Variants in SYCP1 observed in about 807,000 individuals in gnomAD.
SYCP1 encodes cancer/testis antigen 8.
In SYCP1, 64 loss-of-function variants were observed where a neutral mutation model predicts 153.1. That is an observed-to-expected ratio of 0.42 (90% CI 0.34 to 0.51). The LOEUF is 0.51. SYCP1 is among the 20% of genes least tolerant of loss of function. The pLI, the probability that SYCP1 is intolerant of heterozygous loss-of-function variation, is 0.06. For synonymous variants in SYCP1, 384 were observed against 341.8 expected, an observed-to-expected ratio of 1.12 and a Z score of -1.36; for missense variants, 997 against 1,049.0, an observed-to-expected ratio of 0.95 and a Z score of 0.68.
intron 20 of SYCP1, among the ~76,000 whole-genome samples, chr1:114,918,643 T>C (rs1240049616): frequency 6.6e-6 from 1 of 152,088 alleles, no homozygotes; most frequent in Non-Finnish European, 1.5e-5. Flanking sequence ...CTTTCCTTTT[T>C]TTGTGTGTCC....
intron 16 of SYCP1, among the ~76,000 whole-genome samples, chr1:114,908,718 T>C (rs952488015): frequency 2.6e-5 from 4 of 152,176 alleles, no homozygotes; most frequent in African/African-American, 9.6e-5. Context: ...CCTTAGATTT[T>C]CTATCTTTTT....
intron 30 of SYCP1, among the ~76,000 whole-genome samples, chr1:114,991,209 T>G (rs1002616135): frequency 2.6e-5 from 4 of 151,890 alleles, no homozygotes; most frequent in Non-Finnish European, 4.4e-5. Context: ...GAATAAAAAT[T>G]TGACATATAT....
intron 27 of SYCP1, among the ~76,000 whole-genome samples, chr1:114,951,993 A>C (rs1238706833): frequency 6.6e-6 from 1 of 151,586 alleles, no homozygotes. Context: ...AAATGTAAAT[A>C]CTTTTTTTTA....
intron 27 of SYCP1, among the ~76,000 whole-genome samples, chr1:114,975,945 T>TA (rs1310119085): frequency 1.3e-5 from 2 of 151,710 alleles, no homozygotes; most frequent in African/African-American, 2.4e-5. Context: ...TCTTAGAATC[T>TA]AAAAAAATGA....
At chr1:114,884,381 T>A (rs1337581295) in intron 12 of SYCP1, among the ~76,000 whole-genome samples, 1 of 152,224 alleles carries the variant, frequency 6.6e-6, no homozygotes, top group East Asian at 1.9e-4. Flanking sequence ...CTAATTTAAT[T>A]CTTACTGTCT....
chr1:114,958,607 T>C (rs1671579625), intron 27 of SYCP1, among the ~76,000 whole-genome samples: 1 of 151,932 alleles, frequency 6.6e-6, no homozygotes. Context: ...ATTTATCTTT[T>C]TATTATTCAG....
At chr1:114,977,923 TTCTC>T (rs1316220839) in intron 28 of SYCP1, among the ~76,000 whole-genome samples, 1 of 151,506 alleles carries the variant, frequency 6.6e-6, no homozygotes, top group African/African-American at 2.4e-5. Flanking sequence ...ACCTCTGTGT[TTCTC>T]TCTTAAGAAT....
intron 30 of SYCP1, among the ~76,000 whole-genome samples, chr1:114,992,746 C>G (rs1674010555): frequency 6.6e-6 from 1 of 151,138 alleles, no homozygotes. Context: ...ATGGATGACA[C>G]CAAAAGCACA....
chr1:114,914,388 A>G (rs1450278136), intron 20 of SYCP1, among the ~76,000 whole-genome samples: 1 of 151,892 alleles, frequency 6.6e-6, no homozygotes, highest in Admixed American at 6.6e-5. Context: ...ATACTAGAGT[A>G]TTTATACCCA....
In SYCP1 at chr1:114,994,764, C is replaced by A. The variant is rs1674164755; in HGVS notation, c.2770C>A (p.Leu924Ile). The A allele has an allele frequency of 6.3e-7, 1 of 1,593,014 alleles. No individual in the cohort carries two copies. The highest frequency in any genetic ancestry group is 1.4e-5 in the African/African-American group (1 of 73,424). Residue 924 changes from leucine (L) to isoleucine (I), a missense_variant, in exon 31 of 32, where the codon CTT becomes ATT. Physicochemically the swap from Leu to Ile is conservative, Grantham distance 5. Around this residue, in one of 2 missense-constraint regions of SYCP1, gnomAD observed 712 missense variants for 682.9 expected, o/e 1.04. Coordinates refer to ENST00000369522, the MANE Select transcript of SYCP1 (RefSeq NM_003176.4). Reference sequence around the variant, plus strand: ...GAACAATAATCCACCAGCTTCTCATCTTTGTGTCAAAACACCAAAAAAGGT... The same window carrying A: ...GAACAATAATCCACCAGCTTCTCATATTTGTGTCAAAACACCAAAAAAGGT... ...YRNNNPPASH[L>I]CVKTPKKAPS...
intron 28 of SYCP1, among the ~76,000 whole-genome samples, chr1:114,979,573 T>C (rs969095405): frequency 1.3e-5 from 2 of 151,764 alleles, no homozygotes; most frequent in Non-Finnish European, 3.0e-5. Flanking sequence ...ATTTTGGCGG[T>C]TCCAAAGTTT....
chr1:114,935,373 A>G (rs1669927791), intron 23 of SYCP1, among the ~76,000 whole-genome samples: 2 of 152,238 alleles, frequency 1.3e-5, no homozygotes, highest in South Asian at 4.1e-4. Context: ...AGAAAGACAC[A>G]ACATACCAGA....
intron 12 of SYCP1, among the ~76,000 whole-genome samples, chr1:114,881,051 G>GTATATATATATA (rs150631241): frequency 8.2e-4 from 32 of 38,900 alleles, no homozygotes; most frequent in African/African-American, 2.2e-3. Context: ...TCCAATTTGT[G>GTATATATATATA]TATATACACA....
chr1:114,897,643 G>C (rs1258444126), intron 16 of SYCP1, among the ~76,000 whole-genome samples: 1 of 152,136 alleles, frequency 6.6e-6, no homozygotes, highest in Non-Finnish European at 1.5e-5. Flanking sequence ...TATCAGCGAA[G>C]AGAGGAGATA....
intron 8 of SYCP1, among the ~76,000 whole-genome samples, chr1:114,862,705 C>T (rs1449235250): frequency 2.0e-5 from 3 of 152,032 alleles, no homozygotes; most frequent in East Asian, 1.9e-4. Context: ...GTTTAGAGAA[C>T]CCAACATTTT....
chr1:114,982,711 T>C (rs529695260), intron 29 of SYCP1, among the ~76,000 whole-genome samples: 1 of 152,080 alleles, frequency 6.6e-6, no homozygotes, highest in African/African-American at 2.4e-5. Context: ...AAGTCCAATG[T>C]CAAGGCTTCC....
intron 8 of SYCP1, 33 bp downstream of exon 8, chr1:114,860,842 C>T: frequency 6.7e-7 from 1 of 1,488,866 alleles, no homozygotes; most frequent in African/African-American, 1.4e-5. Flanking sequence ...GTGATTTTAT[C>T]AATTTATTTT....
intron 27 of SYCP1, among the ~76,000 whole-genome samples, chr1:114,964,855 T>C (rs1358859440): frequency 6.6e-6 from 1 of 152,228 alleles, no homozygotes; most frequent in Non-Finnish European, 1.5e-5. Flanking sequence ...GGGCTCTTTT[T>C]TGTTCCATAT....
intron 27 of SYCP1, among the ~76,000 whole-genome samples, chr1:114,976,471 A>G (rs1672798735): frequency 1.3e-5 from 2 of 151,798 alleles, no homozygotes; most frequent in Non-Finnish European, 3.0e-5. Flanking sequence ...GGAAACATAT[A>G]TTATATTAGA....
Sources: allele counts gnomAD v4.1 joint callset (sites outside exome capture counted in the v4.1 genomes callset), GRCh38; gene constraint gnomAD v4.1.1; regional missense constraint gnomAD v4.1.1; transcripts MANE v1.5; gene names NCBI Gene and HGNC (gene_info 2026-07-23, HGNC 2026-07-21).